Variants in VPS13B observed in about 807,000 individuals in gnomAD.
VPS13B encodes the protein vacuolar protein sorting 13 homolog B, also known as intermembrane lipid transfer protein VPS13B.
VPS13B carries 285 observed loss-of-function variants against 426.4 expected under a neutral mutation model. That is an observed-to-expected ratio of 0.67 (90% CI 0.61 to 0.74). VPS13B has a LOEUF of 0.74. Ranked by LOEUF, VPS13B falls within the 30% of genes least tolerant of loss-of-function variation. The pLI, the probability that VPS13B is intolerant of heterozygous loss-of-function variation, is 0.00. For missense variants in VPS13B, 4,537 were observed against 4,782.6 expected (o/e 0.95, Z 1.51); for synonymous variants, 1,676 against 1,676.4 (o/e 1.00, Z 0.01).
intron 3 of VPS13B, among the ~76,000 whole-genome samples, chr8:99,058,225 G>A (rs949471995): frequency 1.3e-5 from 2 of 151,558 alleles, no homozygotes; most frequent in African/African-American, 4.8e-5. Flanking sequence ...ACAGACTGAC[G>A]GCAGAAGCAA....
intron 2 of VPS13B, among the ~76,000 whole-genome samples, chr8:99,022,120 A>G (rs1841927742): frequency 6.7e-6 from 1 of 148,886 alleles, no homozygotes; most frequent in South Asian, 2.1e-4. Context: ...TTTGTCATTT[A>G]TTTTTGTTCT....
At chr8:99,422,213 T>C (rs1182423999) in intron 21 of VPS13B, among the ~76,000 whole-genome samples, 1 of 152,194 alleles carries the variant, frequency 6.6e-6, no homozygotes, top group Non-Finnish European at 1.5e-5. Context: ...CAAAATAGTG[T>C]ACTTTTACTG....
chr8:99,505,101 A>G (rs150647204), intron 27 of VPS13B, among the ~76,000 whole-genome samples: 2 of 152,256 alleles, frequency 1.3e-5, no homozygotes, highest in Non-Finnish European at 2.9e-5. Context: ...ACTTCTCTCA[A>G]TTTATAGAAT....
intron 39 of VPS13B, among the ~76,000 whole-genome samples, chr8:99,758,449 A>G (rs886771141): frequency 1.3e-5 from 2 of 152,222 alleles, no homozygotes; most frequent in African/African-American, 2.4e-5. Context: ...AGAAGGTAGC[A>G]TGGTTATTTT....
rs183650665 is a variant in VPS13B at position 99,866,344 on chromosome 8, G to C, written c.11216-1945G>C. The stretch of plus-strand genomic sequence containing the variant: ...TGGCTGCTGGTCTCTTAGCCTCTCT[G>C]TTCTCCAGCTTGTGAGCACAGAGGT... On this transcript the variant is annotated intron_variant, in intron 58 of 61. Coordinates refer to ENST00000357162, the MANE Select transcript of VPS13B (RefSeq NM_152564.5). 2.8e-4 allele frequency among the ~76,000 whole-genome samples: 43 copies of C among 152,334 alleles called. 1 individual carries two copies. Among genetic ancestry groups the C allele is most frequent in the Admixed American group, 2.7e-3 (41 of 15,310 alleles).
At chr8:99,265,620 G>A (rs1361989508) in intron 17 of VPS13B, among the ~76,000 whole-genome samples, 2 of 152,038 alleles carry the variant, frequency 1.3e-5, no homozygotes, top group East Asian at 3.9e-4. Context: ...ACTGGGCTGC[G>A]TGGATTAAAG....
At chr8:99,116,198 T>G (rs1847645218) in intron 7 of VPS13B, among the ~76,000 whole-genome samples, 1 of 79,538 alleles carries the variant, frequency 1.3e-5, no homozygotes, top group South Asian at 7.6e-4. Flanking sequence ...TGTGTAATTT[T>G]GTATTTTTTT....
Position 99,818,742 on chromosome 8 carries a change from G to A in VPS13B, c.8475G>A (p.Arg2825=), listed in dbSNP as rs1814194023. 6.2e-7 allele frequency: 1 copy of A among 1,613,878 alleles called. No homozygotes were observed. Among genetic ancestry groups the A allele is most frequent in the Non-Finnish European group, 8.5e-7 (1 of 1,179,934 alleles). The change falls in exon 47 of 62, where the codon AGG becomes AGA. Residue 2825 remains arginine, a synonymous_variant. Coordinates refer to ENST00000357162, the MANE Select transcript of VPS13B (RefSeq NM_152564.5). ...TGTTCAGCCCTCTTTTTATCATGAG[G>A]AGTCATCTTCCAGACCCCATTATCA... is the stretch of plus-strand genomic sequence containing the variant. ...MIVFSPLFIM[R]SHLPDPIIIH...
intron 14 of VPS13B, among the ~76,000 whole-genome samples, chr8:99,154,640 A>G (rs1811257620): frequency 6.6e-6 from 1 of 152,184 alleles, no homozygotes; most frequent in South Asian, 2.1e-4. Context: ...GGTGCTGTGT[A>G]TCTACAATTA....
intron 19 of VPS13B, among the ~76,000 whole-genome samples, chr8:99,286,058 T>TC (rs1445918726): frequency 4.6e-5 from 7 of 152,088 alleles, no homozygotes; most frequent in Admixed American, 6.6e-5. Context: ...AATTAATTAC[T>TC]CCCTTCTAAG....
intron 25 of VPS13B, among the ~76,000 whole-genome samples, chr8:99,494,285 T>C (rs147487372): frequency 6.6e-6 from 1 of 152,258 alleles, no homozygotes; most frequent in African/African-American, 2.4e-5. Context: ...AAATTCTGTA[T>C]CCGTTAAAAA....
intron 35 of VPS13B, among the ~76,000 whole-genome samples, chr8:99,672,930 T>C (rs1830777998): frequency 6.6e-6 from 1 of 152,188 alleles, no homozygotes; most frequent in Non-Finnish European, 1.5e-5. Context: ...ATTCTGTTAA[T>C]GTGATGTATC....
At chr8:99,452,297 C>T (rs1818236074) in intron 23 of VPS13B, among the ~76,000 whole-genome samples, 1 of 152,308 alleles carries the variant, frequency 6.6e-6, no homozygotes, top group Admixed American at 6.5e-5. Flanking sequence ...GGCTTCAGGG[C>T]ATTTCATTTA....
intron 33 of VPS13B, among the ~76,000 whole-genome samples, chr8:99,635,044 C>G (rs1829014984): frequency 6.6e-6 from 1 of 151,924 alleles, no homozygotes; most frequent in South Asian, 2.1e-4. Flanking sequence ...AACCACCCCA[C>G]CCTACCTCAT....
intron 28 of VPS13B, among the ~76,000 whole-genome samples, 188 bp downstream of exon 28, chr8:99,507,391 A>C (rs1486658036): frequency 6.6e-6 from 1 of 152,208 alleles, no homozygotes; most frequent in Non-Finnish European, 1.5e-5. Context: ...TTTTGTAACC[A>C]TCTTCCTGTT....
chr8:99,739,642 C>T (rs200633712), intron 39 of VPS13B, among the ~76,000 whole-genome samples: 8 of 152,190 alleles, frequency 5.3e-5, no homozygotes, highest in Admixed American at 2.0e-4. Flanking sequence ...GGAAAGATCA[C>T]GCAGCAACAT....
At chr8:99,360,168 TTCTTTCTTTCTTTCTTTCTTTCTC>T (rs1409593935) in intron 19 of VPS13B, among the ~76,000 whole-genome samples, 67 of 40,846 alleles carry the variant, frequency 1.6e-3, no homozygotes, top group Middle Eastern at 0.01. Flanking sequence ...CTTTCTTTCT[TTCTTTCTTTCTTTCTTTCTTTCTC>T]TCTCTCTCTC....
intron 34 of VPS13B, among the ~76,000 whole-genome samples, chr8:99,646,801 G>A (rs1829596956): frequency 6.6e-6 from 1 of 152,018 alleles, no homozygotes; most frequent in Non-Finnish European, 1.5e-5. Flanking sequence ...TAAAGAATGT[G>A]GCGCCTCCCC....
intron 3 of VPS13B, among the ~76,000 whole-genome samples, chr8:99,068,783 A>ATGGGGGAAACCATCCC (rs1307067072): frequency 6.6e-6 from 1 of 152,148 alleles, no homozygotes; most frequent in Non-Finnish European, 1.5e-5. Context: ...CGAGAACAGC[A>ATGGGGGAAACCATCCC]TGGGGGAAAC....
Sources: gnomAD v4.1 joint callset for allele counts (sites outside exome capture counted in the v4.1 genomes callset) on GRCh38, gnomAD v4.1.1 for gene constraint, MANE v1.5 for transcripts, NCBI Gene and HGNC (gene_info 2026-07-23, HGNC 2026-07-21) for gene names.